The following NTNG2 variants were observed in gnomAD, a reference collection of about 807,000 sequenced individuals.
NTNG2 encodes the protein netrin-G2.
Under a neutral mutation model 47.6 loss-of-function variants are expected in NTNG2, and 15 were observed. The observed-to-expected ratio is 0.32, with a 90% CI of 0.21 to 0.49. The LOEUF (loss-of-function observed/expected upper bound fraction) is 0.49, where lower values mean the gene tolerates loss of function less well. Among genes scored for constraint, NTNG2 ranks in the 20% least tolerant of loss-of-function variants. NTNG2 has a pLI of 0.99. For synonymous variants in NTNG2, 307 were observed against 324.6 expected (o/e 0.95, Z 0.58); for missense variants, 578 against 764.6 (o/e 0.76, Z 2.88).
intron 2 of NTNG2, among the ~76,000 whole-genome samples, chr9:132,178,675 C>T (rs894454149): frequency 6.6e-6 from 1 of 151,456 alleles, no homozygotes; most frequent in African/African-American, 2.4e-5. Flanking sequence ...TGTGGTGGCT[C>T]ACACCTGTAA....
chr9:132,229,103 G>T (rs902405367), intron 4 of NTNG2, among the ~76,000 whole-genome samples: 2 of 151,996 alleles, frequency 1.3e-5, no homozygotes, highest in East Asian at 3.9e-4. Flanking sequence ...GGGAGTCCCC[G>T]GGAATTGCCT....
Position 132,231,625 on chromosome 9 carries a change from T to C in NTNG2, c.1054+1030T>C, listed in dbSNP as rs948143862. The stretch of plus-strand genomic sequence containing the variant: ...GGCAACCCCCCAACCCTCTCTTGCT[T>C]TTCCCATCTCTCACCAGGCATCAGC... On this transcript the variant is annotated intron_variant, in intron 5 of 7. Transcript: ENST00000393229. The surrounding 1 kb of genome is among the most constrained non-coding windows in gnomAD (Gnocchi z 4.1). 1 of 277,160 alleles carries C rather than the reference T, an allele frequency of 3.6e-6. No individual in the cohort carries two copies. The highest frequency in any genetic ancestry group is 2.3e-5 in the African/African-American group (1 of 42,962). The allele number at this position is 277,160 out of a possible 1,614,324, so 17.2% of individuals were successfully genotyped here.
chr9:132,201,794 C>T (rs143732255), intron 3 of NTNG2, among the ~76,000 whole-genome samples: 1 of 152,260 alleles, frequency 6.6e-6, no homozygotes, highest in East Asian at 1.9e-4. Context: ...GTTTAATTCC[C>T]CAATGGTTAT....
In NTNG2 at chr9:132,241,992, G is replaced by A. The variant is rs749367496; in HGVS notation, c.1474G>A (p.Asp492Asn). 1.1e-5 allele frequency: 17 copies of A among 1,484,586 alleles called. No homozygotes were observed. The highest frequency in any genetic ancestry group is 1.3e-5 in the Non-Finnish European group (15 of 1,125,146). The allele number at this position is 1,484,586 out of a possible 1,614,324, so 92.0% of individuals were successfully genotyped here. The change falls in exon 8 of 8, where the codon GAC (aspartate) becomes AAC (asparagine). Residue 492 changes from aspartate (D) to asparagine (N), a missense_variant. Coordinates refer to ENST00000393229, the MANE Select transcript of NTNG2 (RefSeq NM_032536.4). Reference protein sequence around the residue: ...TGVRCEQPRCDPADDDGGLDC... With the variant: ...TGVRCEQPRCNPADDDGGLDC... ...CGTGCGCTGCGAGCAGCCCCGCTGC[G>A]ACCCCGCCGACGATGACGGCGGTCT...
intron 7 of NTNG2, chr9:132,241,473 C>T: frequency 6.2e-6 from 2 of 323,462 alleles, no homozygotes; most frequent in Non-Finnish European, 1.2e-5. Flanking sequence ...GTGGGAACTA[C>T]GAGAAAGACC....
At position 132,178,977 on chromosome 9, in the gene NTNG2, A is replaced by AC. The variant is rs1470387542; in HGVS notation, c.213+11933_213+11934insC. Among the ~76,000 whole-genome samples, 407 of 143,910 alleles carry AC rather than the reference A, an allele frequency of 2.8e-3. 2 individuals carry two copies. Among genetic ancestry groups the AC allele is most frequent in the Middle Eastern group, 7.1e-3 (2 of 280 alleles). The allele number at this position is 143,910 out of a possible 152,430, so 94.4% of individuals were successfully genotyped here. A position where few individuals can be genotyped will look rare whatever the true frequency, so the allele number is the denominator to read the frequency against. ...ACTCGGTCTCAAAAAAAAAAAAAAA[A>AC]AAAAACTACTGATGAGGCACATCCC... On this transcript the variant is annotated intron_variant, in intron 2 of 7. Coordinates refer to ENST00000393229, the MANE Select transcript of NTNG2 (RefSeq NM_032536.4).
intron 2 of NTNG2, among the ~76,000 whole-genome samples, chr9:132,175,151 G>C (rs906539132): frequency 2.0e-5 from 3 of 152,048 alleles, no homozygotes; most frequent in African/African-American, 7.2e-5. Flanking sequence ...AAGTGTGTGG[G>C]TGACAGAGAG....
chr9:132,229,747 G>A (rs966255514), intron 4 of NTNG2, among the ~76,000 whole-genome samples: 1 of 152,194 alleles, frequency 6.6e-6, no homozygotes, highest in Admixed American at 6.5e-5. Flanking sequence ...GCCTTGGCTT[G>A]CCCAGGAGAA....
chr9:132,228,360 G>C (rs920909667), intron 4 of NTNG2, among the ~76,000 whole-genome samples: 3 of 152,180 alleles, frequency 2.0e-5, no homozygotes, highest in African/African-American at 7.2e-5. Flanking sequence ...CACTCCGGGG[G>C]CTGACAGCCC....
chr9:132,227,037 CG>C lies in NTNG2; in HGVS notation c.1030+20del. The C allele has an allele frequency of 1.9e-6, 3 of 1,578,784 alleles. No individual in the cohort carries two copies. The highest frequency in any genetic ancestry group is 8.6e-7 in the Non-Finnish European group (1 of 1,162,872). ...CCCAACGCCTGTACGTGCCATGCCC[CG>C]GGGCCACGAGCCCACATGGCTATAA... On this transcript the variant is annotated intron_variant, in intron 4 of 7. Transcript: ENST00000393229.
chr9:132,227,019 C>A lies in NTNG2; in HGVS notation c.1028C>A (p.Ala343Asp). The A allele has an allele frequency of 6.3e-7, 1 of 1,596,018 alleles. No individual in the cohort carries two copies. Among genetic ancestry groups the A allele is most frequent in the Non-Finnish European group, 8.5e-7 (1 of 1,171,930 alleles). The change falls in exon 4 of 8, where the codon GCC becomes GAC. Residue 343 changes from alanine to aspartate, a missense_variant and splice_region_variant. By Grantham distance (126) the Ala-to-Asp change is moderately radical. Transcript: ENST00000393229. ...CCGCTGCCCCATGGCTCTCCCAACG[C>A]CTGTACGTGCCATGCCCCGGGGCCA... is the stretch of plus-strand genomic sequence containing the variant. Reference protein sequence around the residue: ...YLPLPHGSPNACATAGSFGNC... With the variant: ...YLPLPHGSPNDCATAGSFGNC...
In NTNG2 at chr9:132,226,454, G is replaced by C. The variant is rs1332641017; in HGVS notation, c.858-395G>C. The stretch of plus-strand genomic sequence containing the variant: ...CATGGCCAAGTCTCTGTCTACACCA[G>C]GTGCTGGCAGCAGCCTCTGTCACCC... On this transcript the variant is annotated intron_variant, in intron 3 of 7. Transcript: ENST00000393229. This position sits in a 1 kb window ranked among gnomAD's most constrained non-coding sequence, Gnocchi z 4.8. Among the ~76,000 whole-genome samples the C allele has an allele frequency of 2.0e-5, 3 of 152,122 alleles. No homozygotes were observed. Among genetic ancestry groups the C allele is most frequent in the African/African-American group, 7.3e-5 (3 of 41,368 alleles).
At chr9:132,194,845 A>G (rs1203568600) in intron 2 of NTNG2, among the ~76,000 whole-genome samples, 1 of 152,250 alleles carries the variant, frequency 6.6e-6, no homozygotes, top group Non-Finnish European at 1.5e-5. Context: ...CCTAGAGGAT[A>G]GAAGCCCAAA....
At chr9:132,234,190 A>G (rs1013969973) in intron 5 of NTNG2, among the ~76,000 whole-genome samples, 2 of 151,992 alleles carry the variant, frequency 1.3e-5, no homozygotes, top group African/African-American at 4.8e-5. Flanking sequence ...CACCATGTTC[A>G]GCTACTTTTT....
chr9:132,235,654 G>C (rs1841566805), intron 5 of NTNG2, among the ~76,000 whole-genome samples: 1 of 152,162 alleles, frequency 6.6e-6, no homozygotes, highest in Non-Finnish European at 1.5e-5. Context: ...CCCCAAGAGT[G>C]GACCAGGCCA....
intron 3 of NTNG2, among the ~76,000 whole-genome samples, chr9:132,214,936 G>A (rs907717861): frequency 1.3e-5 from 2 of 151,938 alleles, no homozygotes; most frequent in African/African-American, 4.8e-5. Flanking sequence ...CAGTGCAGTG[G>A]CACAATCACG....
intron 5 of NTNG2, among the ~76,000 whole-genome samples, chr9:132,230,868 G>C (rs1451938417): frequency 6.6e-6 from 1 of 151,746 alleles, no homozygotes; most frequent in East Asian, 1.9e-4. Context: ...TCTCCCAGGA[G>C]CTCCATCAGT....
At chr9:132,164,014 G>T (rs903688582) in intron 1 of NTNG2, among the ~76,000 whole-genome samples, 4 of 152,054 alleles carry the variant, frequency 2.6e-5, no homozygotes, top group African/African-American at 9.7e-5. Flanking sequence ...AAATTTCCCT[G>T]CCGACTCCTC....
At chr9:132,168,085 G>C (rs986317115) in intron 2 of NTNG2, among the ~76,000 whole-genome samples, 2 of 152,238 alleles carry the variant, frequency 1.3e-5, no homozygotes, top group African/African-American at 4.8e-5. Context: ...TTGTCATTCT[G>C]GTCATACAGG....
Sources: gnomAD v4.1 joint callset for allele counts (sites outside exome capture counted in the v4.1 genomes callset) on GRCh38, gnomAD v4.1.1 for gene constraint, Gnocchi (gnomAD v3.1) non-coding constraint, MANE v1.5 for transcripts, NCBI Gene and HGNC (gene_info 2026-07-23, HGNC 2026-07-21) for gene names.